The following GDAP1 variants were observed in gnomAD, a reference collection of about 807,000 sequenced individuals.
GDAP1 encodes ganglioside-induced differentiation-associated protein 1.
In GDAP1, 34 loss-of-function variants were observed where a neutral mutation model predicts 40.1. That is an observed-to-expected ratio of 0.85 (90% CI 0.64 to 1.13). The LOEUF is 1.13. Among genes scored for constraint, GDAP1 ranks in the 50% most tolerant of loss-of-function variants. The pLI, the probability that GDAP1 is intolerant of heterozygous loss-of-function variation, is 0.00. For missense variants in GDAP1, 374 were observed against 433.7 expected, an observed-to-expected ratio of 0.86 and a Z score of 1.22; for synonymous variants, 170 against 157.4, an observed-to-expected ratio of 1.08 and a Z score of -0.60.
chr8:74,360,337 A>G lies in GDAP1; in HGVS notation c.484+27A>G, dbSNP rs1460799027. 11 of 1,579,724 alleles carry G rather than the reference A, an allele frequency of 7.0e-6. No homozygotes were observed. The African/African-American group carries it at 9.4e-5, about 14-fold the overall frequency. The stretch of plus-strand genomic sequence containing the variant: ...TATGTAAACATTTTAAAGACCTGGA[A>G]TTCTGTCTGACACTTTCTTTTAATT... On this transcript the variant is annotated intron_variant, in intron 3 of 5. Coordinates refer to ENST00000220822, the MANE Select transcript of GDAP1 (RefSeq NM_018972.4).
intron 2 of GDAP1, among the ~76,000 whole-genome samples, chr8:74,374,451 A>G (rs1809817181): frequency 6.6e-6 from 1 of 152,188 alleles, no homozygotes; most frequent in Non-Finnish European, 1.5e-5. Context: ...GAGCTACAGA[A>G]AGAGGAGCAA....
chr8:74,400,292 T>C (rs564525142), intron 2 of GDAP1, among the ~76,000 whole-genome samples: 1 of 150,192 alleles, frequency 6.7e-6, no homozygotes, highest in East Asian at 1.9e-4. Flanking sequence ...TTGATCCCTT[T>C]ACCGTTATGT....
chr8:74,461,528 T>C (rs1806400130), intron 2 of GDAP1, among the ~76,000 whole-genome samples: 1 of 152,210 alleles, frequency 6.6e-6, no homozygotes, highest in African/African-American at 2.4e-5. Context: ...GCTGTGTTCA[T>C]ATGCTGCCAA....
chr8:74,445,578 A>T (rs1806217523), intron 2 of GDAP1, among the ~76,000 whole-genome samples: 1 of 152,200 alleles, frequency 6.6e-6, no homozygotes. Context: ...AATAGTACAC[A>T]TCTTTATGTA....
rs1427841567 is a variant in GDAP1 at position 74,453,080 on chromosome 8, C to T, written c.166-35598C>T. Among the ~76,000 whole-genome samples, 2 of 83,002 alleles carry T rather than the reference C, an allele frequency of 2.4e-5. 1 individual carries two copies. Among genetic ancestry groups the T allele is most frequent in the East Asian group, 7.0e-4 (2 of 2,840 alleles). The allele number at this position is 83,002 out of a possible 152,430, so 54.5% of individuals were successfully genotyped here. ...TGCATAAACAGTGGGTTCTGGAGTT[C>T]TGGAGTTTCAGTGGAAAGTCTAAGG... On this transcript the variant is annotated intron_variant, in intron 2 of 2. Transcript: ENST00000523640.
intron 2 of GDAP1, among the ~76,000 whole-genome samples, chr8:74,428,248 CAACAAT>C (rs1343994738): frequency 0.02 from 834 of 40,984 alleles, 24 homozygotes; most frequent in Admixed American, 0.13. Flanking sequence ...ACAACAACAA[CAACAAT>C]AACAACAACA....
Position 74,393,745 on chromosome 8 carries a change from G to T in GDAP1, c.165+42424G>T, listed in dbSNP as rs184390994. Among the ~76,000 whole-genome samples, 146 of 152,250 alleles carry T rather than the reference G, an allele frequency of 9.6e-4. 1 individual carries two copies. Among genetic ancestry groups the T allele is most frequent in the Middle Eastern group, 6.8e-3 (2 of 294 alleles). ...ATAACTAATTATGAAAAAAACTATT[G>T]TAAACCTTTAAGTTTTGCAATACTC... On this transcript the variant is annotated intron_variant, in intron 2 of 2. Transcript: ENST00000523640.
chr8:74,463,466 A>G (rs1433258096), intron 2 of GDAP1, among the ~76,000 whole-genome samples: 1 of 151,782 alleles, frequency 6.6e-6, no homozygotes, highest in Non-Finnish European at 1.5e-5. Flanking sequence ...GTCTCAAAAA[A>G]AAAAACAAAA....
chr8:74,426,968 G>A (rs976012777), intron 2 of GDAP1, among the ~76,000 whole-genome samples: 1 of 152,094 alleles, frequency 6.6e-6, no homozygotes, highest in African/African-American at 2.4e-5. Flanking sequence ...TTATAACCAT[G>A]GCCTCTTATA....
At chr8:74,391,939 C>T (rs1161843981) in intron 2 of GDAP1, among the ~76,000 whole-genome samples, 1 of 152,150 alleles carries the variant, frequency 6.6e-6, no homozygotes, top group East Asian at 1.9e-4. Context: ...CTGCCTCAGC[C>T]TCCCAAGTAG....
intron 2 of GDAP1, among the ~76,000 whole-genome samples, chr8:74,458,326 C>T (rs1229191757): frequency 6.6e-6 from 1 of 152,048 alleles, no homozygotes; most frequent in African/African-American, 2.4e-5. Context: ...ATGACCATGA[C>T]CAGATTGTCC....
chr8:74,481,757 A>AT (rs1408752417), intron 2 of GDAP1, among the ~76,000 whole-genome samples: 6 of 152,134 alleles, frequency 3.9e-5, no homozygotes, highest in African/African-American at 1.4e-4. Flanking sequence ...CTCTTGAATA[A>AT]TTTTCCTATT....
At chr8:74,370,668 T>C (rs754889819), downstream of GDAP1, among the ~76,000 whole-genome samples, 8 of 152,156 alleles carry the variant, frequency 5.3e-5, no homozygotes, top group Non-Finnish European at 7.4e-5. Flanking sequence ...TAAATGTAAA[T>C]AGCATTGAAT....
At chr8:74,372,435 T>G in intron 2 of GDAP1, among the ~76,000 whole-genome samples, 1 of 152,158 alleles carries the variant, frequency 6.6e-6, no homozygotes, top group African/African-American at 2.4e-5. Flanking sequence ...CACCTGTTGT[T>G]TCCTGACTTT....
chr8:74,385,330 C>T (rs182649387), intron 2 of GDAP1, among the ~76,000 whole-genome samples: 6 of 152,122 alleles, frequency 3.9e-5, no homozygotes, highest in South Asian at 2.1e-4. Flanking sequence ...GTCCCCTAAC[C>T]GCCCCCACCA....
intron 2 of GDAP1, among the ~76,000 whole-genome samples, chr8:74,422,319 TTC>T (rs1277394098): frequency 5.5e-5 from 3 of 54,190 alleles, no homozygotes; most frequent in African/African-American, 3.1e-4. Context: ...CTTTCTTTCT[TTC>T]TTTCTTTCTT....
intron 2 of GDAP1, among the ~76,000 whole-genome samples, chr8:74,445,764 C>A (rs1250281266): frequency 6.6e-6 from 1 of 151,780 alleles, no homozygotes. Flanking sequence ...CAAAAGATAT[C>A]ATTTGATATA....
In GDAP1 at chr8:74,395,799, C is replaced by T. The variant is rs964702543; in HGVS notation, c.165+44478C>T. On this transcript the variant is annotated intron_variant, in intron 2 of 2. Coordinates refer to the GDAP1 transcript ENST00000523640. ...TTAATGGAAGTTTATTAGAATCCCA[C>T]GGCTACTCACATTTATTTTAACCTC... 7.9e-5 allele frequency among the ~76,000 whole-genome samples: 12 copies of T among 152,136 alleles called. No individual in the cohort carries two copies. In the East Asian group the frequency reaches 1.3e-3, roughly 17 times the overall value.
At position 74,417,364 on chromosome 8, in the gene GDAP1, A is replaced by G. The variant is rs189839747; in HGVS notation, c.165+66043A>G. On this transcript the variant is annotated intron_variant, in intron 2 of 2. Transcript: ENST00000523640. Reference sequence around the variant, plus strand: ...AAGTCAACAAATGCTATTCAACATTATACTATACTTCCCAACTAGTGTAAT... The same window carrying G: ...AAGTCAACAAATGCTATTCAACATTGTACTATACTTCCCAACTAGTGTAAT... Among the ~76,000 whole-genome samples, 3 of 150,236 alleles carry G rather than the reference A, an allele frequency of 2.0e-5. No homozygotes were observed. In the East Asian group the frequency reaches 5.8e-4, roughly 29 times the overall value.
Sources: gnomAD v4.1 joint callset for allele counts (sites outside exome capture counted in the v4.1 genomes callset) on GRCh38, gnomAD v4.1.1 for gene constraint, MANE v1.5 for transcripts, NCBI Gene and HGNC (gene_info 2026-07-23, HGNC 2026-07-21) for gene names.